Variants in MACROD2 observed in about 807,000 individuals in gnomAD.
MACROD2 encodes ADP-ribose glycohydrolase MACROD2.
Under a neutral mutation model 70.4 loss-of-function variants are expected in MACROD2, and 36 were observed. The observed-to-expected ratio is 0.51, with a 90% CI of 0.39 to 0.68. The LOEUF is 0.68. MACROD2 is among the 30% of genes least tolerant of loss of function. The pLI is 0.00. For synonymous variants in MACROD2, 172 were observed against 178.8 expected (o/e 0.96, Z 0.30); for missense variants, 496 against 538.4 (o/e 0.92, Z 0.78).
At chr20:14,778,573 G>A (rs2072262062) in intron 5 of MACROD2, among the ~76,000 whole-genome samples, 1 of 152,146 alleles carries the variant, frequency 6.6e-6, no homozygotes, top group Non-Finnish European at 1.5e-5. Flanking sequence ...GGGGCAATGT[G>A]TGGAATTTAT....
intron 3 of MACROD2, among the ~76,000 whole-genome samples, chr20:14,293,226 T>C (rs374926672): frequency 2.0e-5 from 3 of 151,554 alleles, no homozygotes; most frequent in African/African-American, 7.3e-5. Context: ...ACTGGAGATA[T>C]AGCAGTGAAC....
Position 14,111,248 on chromosome 20 carries a change from C to T in MACROD2, c.271+25520C>T, listed in dbSNP as rs1440924299. 2.0e-5 allele frequency among the ~76,000 whole-genome samples: 3 copies of T among 151,798 alleles called. No individual in the cohort carries two copies. The East Asian group carries it at 5.8e-4, about 29-fold the overall frequency. On this transcript the variant is annotated intron_variant, in intron 3 of 17. Transcript: ENST00000684519. Reference sequence around the variant, plus strand: ...AAATGGATTAAAGACTTAAATCTGACTATGAAACTACTACAAGAAAACATT... The same window carrying T: ...AAATGGATTAAAGACTTAAATCTGATTATGAAACTACTACAAGAAAACATT...
intron 5 of MACROD2, among the ~76,000 whole-genome samples, chr20:15,108,513 T>C (rs2075929435): frequency 1.3e-5 from 2 of 152,170 alleles, no homozygotes; most frequent in Admixed American, 1.3e-4. Context: ...ATAGCTGGCC[T>C]GGCCATGCCT....
chr20:14,777,426 G>C (rs923110328), intron 5 of MACROD2, among the ~76,000 whole-genome samples: 1 of 151,946 alleles, frequency 6.6e-6, no homozygotes, highest in East Asian at 1.9e-4. Flanking sequence ...TATGATATGT[G>C]TATGTGTTAG....
chr20:14,522,453 G>A (rs950030119), intron 4 of MACROD2, among the ~76,000 whole-genome samples: 8 of 152,200 alleles, frequency 5.3e-5, no homozygotes, highest in East Asian at 1.9e-4. Flanking sequence ...TTCTTCCTCC[G>A]GGTTTGAGAG....
At chr20:14,732,487 T>C (rs971117849) in intron 5 of MACROD2, among the ~76,000 whole-genome samples, 7 of 152,126 alleles carry the variant, frequency 4.6e-5, no homozygotes, top group Admixed American at 4.6e-4. Context: ...AAAAAATCAA[T>C]AGTGTCCCTA....
At chr20:14,632,606 G>A (rs1301473392) in intron 4 of MACROD2, among the ~76,000 whole-genome samples, 1 of 152,040 alleles carries the variant, frequency 6.6e-6, no homozygotes, top group Non-Finnish European at 1.5e-5. Context: ...ACCTGCTATT[G>A]TTAATTTGTG....
At chr20:15,646,269 A>C (rs1273129458) in intron 8 of MACROD2, among the ~76,000 whole-genome samples, 1 of 152,212 alleles carries the variant, frequency 6.6e-6, no homozygotes, top group Non-Finnish European at 1.5e-5. Context: ...CTGGTTTTAC[A>C]ATATCACCTT....
intron 3 of MACROD2, among the ~76,000 whole-genome samples, chr20:14,335,016 A>C (rs2082912173): frequency 6.6e-6 from 1 of 152,192 alleles, no homozygotes; most frequent in Admixed American, 6.6e-5. Context: ...GAACATTGGC[A>C]TATCAAAAAT....
At chr20:14,970,115 A>G (rs550946016) in intron 5 of MACROD2, among the ~76,000 whole-genome samples, 255 of 152,300 alleles carry the variant, frequency 1.7e-3, no homozygotes, top group African/African-American at 5.8e-3. Context: ...GGAAACTTAC[A>G]ATCATAGCAG....
intron 5 of MACROD2, among the ~76,000 whole-genome samples, chr20:15,105,974 G>A (rs1252437772): frequency 6.6e-6 from 1 of 152,074 alleles, no homozygotes; most frequent in Non-Finnish European, 1.5e-5. Context: ...TCACAAAAAA[G>A]TTGTGTGATG....
intron 13 of MACROD2, among the ~76,000 whole-genome samples, chr20:15,978,276 G>A (rs765504881): frequency 2.6e-5 from 4 of 152,068 alleles, no homozygotes; most frequent in Non-Finnish European, 4.4e-5. Flanking sequence ...CCCTTACTCC[G>A]AATATTCTGC....
At chr20:15,612,584 C>T (rs1024997123) in intron 8 of MACROD2, among the ~76,000 whole-genome samples, 2 of 152,190 alleles carry the variant, frequency 1.3e-5, no homozygotes, top group African/African-American at 2.4e-5. Context: ...CAGACCTCCA[C>T]GTTCTGCGGA....
rs2077828072 is a variant in MACROD2 at position 15,317,656 on chromosome 20, T to C, written c.540+87595T>C. On this transcript the variant is annotated intron_variant, in intron 6 of 17. Coordinates refer to ENST00000684519, the MANE Select transcript of MACROD2 (RefSeq NM_001351661.2). ...AGTTCCAGTCCAATGGCTTTTTGAG[T>C]CTGGCAGGCTTCAGACTCAAAAACA... 3.9e-5 allele frequency among the ~76,000 whole-genome samples: 6 copies of C among 151,952 alleles called. No homozygotes were observed. The South Asian group carries it at 1.2e-3, about 32-fold the overall frequency.
chr20:15,043,549 C>A (rs1362438517), intron 5 of MACROD2, among the ~76,000 whole-genome samples: 4 of 152,202 alleles, frequency 2.6e-5, no homozygotes, highest in Non-Finnish European at 5.9e-5. Flanking sequence ...TTGTCTTGGG[C>A]CCCTGTACTC....
At chr20:15,461,009 T>A (rs1411722941) in intron 7 of MACROD2, among the ~76,000 whole-genome samples, 3 of 134,756 alleles carry the variant, frequency 2.2e-5, no homozygotes, top group African/African-American at 8.0e-5. Context: ...TATATATATT[T>A]TTTTTTAATA....
At chr20:16,001,491 G>C (rs368432395) in intron 15 of MACROD2, among the ~76,000 whole-genome samples, 3 of 152,180 alleles carry the variant, frequency 2.0e-5, no homozygotes, top group South Asian at 2.1e-4. Context: ...AATCAGTCAC[G>C]TTTCTAACCA....
intron 6 of MACROD2, among the ~76,000 whole-genome samples, chr20:15,269,729 G>T (rs1568681734): frequency 6.6e-6 from 1 of 152,118 alleles, no homozygotes; most frequent in Admixed American, 6.5e-5. Flanking sequence ...AGCTCCTAAA[G>T]GGATTTCTGA....
chr20:15,637,825 A>G (rs761395878), intron 8 of MACROD2, among the ~76,000 whole-genome samples: 44 of 152,282 alleles, frequency 2.9e-4, no homozygotes, highest in Non-Finnish European at 5.4e-4. Flanking sequence ...TCAGTCCTGA[A>G]TCTCATTCAT....
Sources: allele counts gnomAD v4.1 joint callset (sites outside exome capture counted in the v4.1 genomes callset), GRCh38; gene constraint gnomAD v4.1.1; transcripts MANE v1.5; gene names NCBI Gene and HGNC (gene_info 2026-07-23, HGNC 2026-07-21).